Variants in ARMCX4 observed in about 807,000 individuals in gnomAD.
ARMCX4 encodes the protein armadillo repeat containing X-linked 4, also known as armadillo repeat-containing X-linked protein 4.
Under a neutral mutation model 34.7 loss-of-function variants are expected in ARMCX4, and 3 were observed. That is an observed-to-expected ratio of 0.09 (90% CI 0.04 to 0.22). The LOEUF is 0.22. Among genes scored for constraint, ARMCX4 ranks in the 10% least tolerant of loss-of-function variants. The pLI is 1.00. For missense variants in ARMCX4, 1,448 were observed against 1,720.8 expected, an observed-to-expected ratio of 0.84 and a Z score of 2.81; for synonymous variants, 513 against 632.8, an observed-to-expected ratio of 0.81 and a Z score of 2.84.
chrX:101,470,868 C>T (rs953571720), intron 4 of ARMCX4, among the ~76,000 whole-genome samples: 4 of 111,405 alleles, frequency 3.6e-5, no homozygotes, highest in East Asian at 2.8e-4. Context: ...GTATGGTAAG[C>T]GAATGTTAAA....
chrX:101,508,579 G>A (rs1246182632), intron 8 of ARMCX4, among the ~76,000 whole-genome samples: 2 of 111,197 alleles, frequency 1.8e-5, no homozygotes, highest in Non-Finnish European at 3.8e-5. Context: ...CTATCTCTGA[G>A]TACAGTCACA....
chrX:101,496,682 G>A (rs1306530283), downstream of ARMCX4, among the ~76,000 whole-genome samples: 4 of 111,312 alleles, frequency 3.6e-5, no homozygotes, highest in African/African-American at 1.3e-4. Context: ...GGTTAAGGTG[G>A]GGCCTTTATG....
chrX:101,492,699 T>C lies in ARMCX4; in HGVS notation c.4110T>C (p.Asp1370=). ...GAGGGTCTAGGCTGGGCCACGTAGATCAGTCCAGTGGTGGGGCCTGGGCTG... is the reference window on the plus strand; with the variant it reads ...GAGGGTCTAGGCTGGGCCACGTAGACCAGTCCAGTGGTGGGGCCTGGGCTG... ...ASGGSRLGHV[D]QSSGGAWAGT... The change falls in exon 6 of 6, where the codon GAT becomes GAC. Residue 1370 remains aspartate, a synonymous_variant. Coordinates refer to ENST00000423738, the MANE Select transcript of ARMCX4 (RefSeq NM_001256155.3). 1 of 1,122,645 alleles carries C rather than the reference T, an allele frequency of 8.9e-7. No individual in the cohort carries two copies. The allele number at this position is 1,122,645 out of a possible 1,213,427, so 92.5% of individuals were successfully genotyped here.
At chrX:101,440,876 C>A (rs782677597) in intron 2 of ARMCX4, among the ~76,000 whole-genome samples, 2 of 111,381 alleles carry the variant, frequency 1.8e-5, no homozygotes, top group East Asian at 5.7e-4. Flanking sequence ...GTCTGTCACC[C>A]CTTTCTTTGA....
intron 2 of ARMCX4, among the ~76,000 whole-genome samples, chrX:101,434,184 C>T (rs1310871026): frequency 9.1e-6 from 1 of 109,681 alleles, no homozygotes; most frequent in Non-Finnish European, 1.9e-5. Context: ...TGAGCTCAAG[C>T]GATCTGCCCA....
At chrX:101,516,851 C>T (rs190170280) in intron 11 of ARMCX4, 2 of 111,309 alleles carry the variant, frequency 1.8e-5, no homozygotes, top group East Asian at 5.6e-4. Context: ...GCCAGCAAGC[C>T]TTTGTCTTTT....
intron 4 of ARMCX4, among the ~76,000 whole-genome samples, chrX:101,468,345 C>T (rs1178562025): frequency 9.1e-6 from 1 of 109,464 alleles, no homozygotes; most frequent in African/African-American, 3.3e-5. Flanking sequence ...GGCTGGAGTG[C>T]AGTGGTGTGA....
At chrX:101,454,657 G>C (rs1002859968) in intron 4 of ARMCX4, among the ~76,000 whole-genome samples, 1 of 111,157 alleles carries the variant, frequency 9.0e-6, no homozygotes, top group Non-Finnish European at 1.9e-5. Context: ...TTCATAATTG[G>C]CTCTTGTAAG....
intron 2 of ARMCX4, among the ~76,000 whole-genome samples, chrX:101,437,035 G>A (rs140315656): frequency 0.013 from 1,430 of 111,846 alleles, 22 homozygotes; most frequent in African/African-American, 0.043. Flanking sequence ...TGTGCTGCTG[G>A]ATTCAGTTTC....
At position 101,489,849 on chromosome X, in the gene ARMCX4, C is replaced by T; in HGVS notation, c.1260C>T (p.Asn420=). The change falls in exon 6 of 6, where the codon AAC becomes AAT. Residue 420 remains asparagine (N), a synonymous_variant. Coordinates refer to ENST00000423738, the MANE Select transcript of ARMCX4 (RefSeq NM_001256155.3). Reference sequence around the variant, plus strand: ...CCATGTCTGATGCTAAGGTTAAGAACAGAGGCAATCCCAATGCCATGACTA... The same window carrying T: ...CCATGTCTGATGCTAAGGTTAAGAATAGAGGCAATCCCAATGCCATGACTA... ...AEAMSDAKVK[N]RGNPNAMTKA... is the part of the protein sequence containing the mutation. 2.6e-6 allele frequency: 3 copies of T among 1,156,166 alleles called. No individual in the cohort carries two copies. The highest frequency in any genetic ancestry group is 3.4e-6 in the Non-Finnish European group (3 of 872,984).
chrX:101,507,584 T>G (rs1471154890), intron 8 of ARMCX4, among the ~76,000 whole-genome samples: 1 of 110,882 alleles, frequency 9.0e-6, no homozygotes, highest in East Asian at 2.8e-4. Context: ...CTTTTTCATG[T>G]TGGATCTTGC....
At position 101,491,836 on chromosome X, in the gene ARMCX4, C is replaced by G. The variant is rs1028381863; in HGVS notation, c.3247C>G (p.Gln1083Glu). 20 of 1,154,938 alleles carry G rather than the reference C, an allele frequency of 1.7e-5. No homozygotes were observed. The highest frequency in any genetic ancestry group is 2.1e-5 in the Non-Finnish European group (18 of 872,485). Reference protein sequence around the residue: ...TSESEGGSGTQACRKTQPNIH... With the variant: ...TSESEGGSGTEACRKTQPNIH... ...TGAGAGTGAGGGTGGGTCAGGCACT[C>G]AAGCCTGCAGAAAGACTCAGCCTAA... The change falls in exon 6 of 6, where the codon CAA (glutamine) becomes GAA (glutamate). Residue 1083 changes from glutamine to glutamate, a missense_variant. Around this residue, in one of 2 missense-constraint regions of ARMCX4, gnomAD observed 1,343 missense variants for 1,540.7 expected, o/e 0.87. Transcript: ENST00000423738.
chrX:101,459,469 A>C (rs1388814095), intron 4 of ARMCX4, among the ~76,000 whole-genome samples: 6 of 111,760 alleles, frequency 5.4e-5, no homozygotes, highest in African/African-American at 1.6e-4. Flanking sequence ...TATAATAGCT[A>C]TGTAGCTATA....
chrX:101,492,472 G>A lies in ARMCX4; in HGVS notation c.3883G>A (p.Val1295Ile). 2.6e-6 allele frequency: 3 copies of A among 1,154,363 alleles called. No individual in the cohort carries two copies. The highest frequency in any genetic ancestry group is 3.4e-6 in the Non-Finnish European group (3 of 872,069). ...NMSSVSYWAG[V>I]VDQAGGGSWA... The stretch of plus-strand genomic sequence containing the variant: ...GAGTAGTGTTTCATACTGGGCTGGG[G>A]TTGTGGATCAGGCCGGTGGAGGGTC... Residue 1295 changes from valine (V) to isoleucine (I), a missense_variant, in exon 6 of 6, where the codon GTT becomes ATT. Coordinates refer to ENST00000423738, the MANE Select transcript of ARMCX4 (RefSeq NM_001256155.3).
intron 2 of ARMCX4, among the ~76,000 whole-genome samples, chrX:101,422,741 C>G (rs1929348395): frequency 9.0e-6 from 1 of 111,267 alleles, no homozygotes. Context: ...GAATTCCTTC[C>G]CAAAGTTAGT....
intron 7 of ARMCX4, among the ~76,000 whole-genome samples, chrX:101,503,238 A>G (rs1467191123): frequency 2.7e-5 from 3 of 110,686 alleles, no homozygotes; most frequent in Admixed American, 9.6e-5. Flanking sequence ...TAGTGTTGCA[A>G]TAAACATACA....
intron 2 of ARMCX4, among the ~76,000 whole-genome samples, chrX:101,421,301 T>C (rs12556314): frequency 0.31 from 33,168 of 108,655 alleles, 6,409 homozygotes; most frequent in African/African-American, 0.7. Context: ...TGGAGAGTTT[T>C]ATTAGAAGCC....
At chrX:101,443,073 G>A (rs993260573) in intron 2 of ARMCX4, among the ~76,000 whole-genome samples, 1 of 101,957 alleles carries the variant, frequency 9.8e-6, no homozygotes, top group Admixed American at 1.1e-4. Context: ...AGAGCTTGCA[G>A]TGAGCCGAGA....
At chrX:101,527,540 G>A (rs1401964818) in intron 11 of ARMCX4, among the ~76,000 whole-genome samples, 4 of 111,197 alleles carry the variant, frequency 3.6e-5, no homozygotes, top group African/African-American at 1.3e-4. Context: ...ATGAATCCAG[G>A]GGCTGGTTTT....
Sources: gnomAD v4.1 joint callset for allele counts (sites outside exome capture counted in the v4.1 genomes callset) on GRCh38, gnomAD v4.1.1 for gene constraint, gnomAD v4.1.1 regional missense constraint, MANE v1.5 for transcripts, NCBI Gene and HGNC (gene_info 2026-07-23, HGNC 2026-07-21) for gene names.